CCDC91: variants seen among roughly 807,000 people sequenced by gnomAD.
The protein encoded by CCDC91 is coiled-coil domain containing 91, also known as coiled-coil domain-containing protein 91.
In CCDC91, 48 loss-of-function variants were observed where a neutral mutation model predicts 63.2. The ratio of observed to expected loss-of-function variants is 0.76; its 90% confidence interval spans 0.60 to 0.97. The LOEUF (loss-of-function observed/expected upper bound fraction) is 0.97, where lower values mean the gene tolerates loss of function less well. CCDC91 is among the 50% of genes least tolerant of loss of function. The pLI is 0.00. For missense variants in CCDC91, 500 were observed against 494.6 expected (o/e 1.01, Z -0.10); for synonymous variants, 167 against 165.8 (o/e 1.01, Z -0.06).
intron 11 of CCDC91, among the ~76,000 whole-genome samples, chr12:28,455,741 G>A (rs1950028520): frequency 6.6e-6 from 1 of 151,998 alleles, no homozygotes; most frequent in African/African-American, 2.4e-5. Context: ...AGAACTGGTG[G>A]TGGTGGAGAT....
chr12:28,246,737 A>C (rs1267585377), intron 1 of CCDC91, among the ~76,000 whole-genome samples: 1 of 152,208 alleles, frequency 6.6e-6, no homozygotes, highest in East Asian at 1.9e-4. Context: ...TCCAAGCCAC[A>C]AAGATGGTCA....
At position 28,523,831 on chromosome 12, in the gene CCDC91, T is replaced by C. The variant is rs542672230; in HGVS notation, c.1216-25232T>C. On this transcript the variant is annotated intron_variant, in intron 12 of 12. Transcript: ENST00000536442. ...AAGGATTTTATTTCTCCTTCACTTA[T>C]GAAGCTTAGTTTGGCTGGATATGAA... 1.4e-4 allele frequency among the ~76,000 whole-genome samples: 22 copies of C among 152,222 alleles called. No homozygotes were observed. The South Asian group carries it at 2.5e-3, about 17-fold the overall frequency.
At chr12:28,290,061 C>T (rs753526806) in intron 3 of CCDC91, among the ~76,000 whole-genome samples, 1 of 151,946 alleles carries the variant, frequency 6.6e-6, no homozygotes, top group Non-Finnish European at 1.5e-5. Flanking sequence ...CCCTGAATAT[C>T]TTAGTTATTT....
chr12:28,461,430 A>G (rs1172585184), intron 11 of CCDC91, among the ~76,000 whole-genome samples: 3 of 152,080 alleles, frequency 2.0e-5, no homozygotes, highest in Non-Finnish European at 2.9e-5. Context: ...CCAATTACTA[A>G]TATTTCAAAA....
At chr12:28,326,767 G>GT (rs1267995676) in intron 6 of CCDC91, among the ~76,000 whole-genome samples, 1 of 152,018 alleles carries the variant, frequency 6.6e-6, no homozygotes, top group Admixed American at 6.6e-5. Context: ...GATGATAAAT[G>GT]AAACCGGCTT....
At chr12:28,272,068 T>C (rs918259170) in intron 3 of CCDC91, among the ~76,000 whole-genome samples, 4 of 151,956 alleles carry the variant, frequency 2.6e-5, no homozygotes, top group African/African-American at 7.2e-5. Context: ...CGCCATCTTC[T>C]GATTTCCGTA....
intron 8 of CCDC91, among the ~76,000 whole-genome samples, chr12:28,402,901 G>A (rs1946727127): frequency 6.6e-6 from 1 of 152,070 alleles, no homozygotes; most frequent in Non-Finnish European, 1.5e-5. Context: ...TTATTGATAT[G>A]ATTATGCTAT....
intron 1 of CCDC91, among the ~76,000 whole-genome samples, chr12:28,207,114 C>T (rs910096217): frequency 2.0e-5 from 3 of 152,182 alleles, no homozygotes; most frequent in Non-Finnish European, 2.9e-5. Flanking sequence ...TACAACAGAC[C>T]TTTTTTCCAC....
At chr12:28,544,818 A>C (rs1203534340) in intron 12 of CCDC91, among the ~76,000 whole-genome samples, 1 of 152,046 alleles carries the variant, frequency 6.6e-6, no homozygotes, top group African/African-American at 2.4e-5. Flanking sequence ...TAAGGTCAAG[A>C]GATGTTTTAT....
At position 28,338,678 on chromosome 12, in the gene CCDC91, C is replaced by T. The variant is rs369959489; in HGVS notation, c.577-23760C>T. ...TGTCATGAATTAAAAAAAAAAATCA[C>T]TCTGACCTCTGTGGGGAAAATACAC... On this transcript the variant is annotated intron_variant, in intron 6 of 12. Transcript: ENST00000536442. 3.2e-4 allele frequency among the ~76,000 whole-genome samples: 48 copies of T among 151,950 alleles called. No homozygotes were observed. The East Asian group carries it at 7.4e-3, about 23-fold the overall frequency.
chr12:28,261,693 G>A (rs1946831545), intron 3 of CCDC91, among the ~76,000 whole-genome samples: 1 of 151,832 alleles, frequency 6.6e-6, no homozygotes, highest in African/African-American at 2.4e-5. Context: ...CTAAAAAATT[G>A]TATATTATGA....
At chr12:28,371,255 G>T (rs955213001) in intron 7 of CCDC91, among the ~76,000 whole-genome samples, 4 of 152,078 alleles carry the variant, frequency 2.6e-5, no homozygotes, top group African/African-American at 9.7e-5. Context: ...AAGCATTACT[G>T]CCTGAGTTCC....
intron 1 of CCDC91, among the ~76,000 whole-genome samples, chr12:28,219,108 CTT>C (rs1459287051): frequency 1.1e-4 from 16 of 152,154 alleles, no homozygotes; most frequent in African/African-American, 3.9e-4. Context: ...CTCACCAACA[CTT>C]GATATTGTGA....
In CCDC91 at chr12:28,391,474, T is replaced by G. The variant is rs144997332; in HGVS notation, c.762+63T>G. ...TCCCCTGACTCTCTCCCCTGAGAGC[T>G]CTATAACTGTTTATTCAGTTCTGTT... On this transcript the variant is annotated intron_variant, in intron 8 of 12. Transcript: ENST00000536442. The G allele has an allele frequency of 2.6e-4, 249 of 962,480 alleles. No individual in the cohort carries two copies. The African/African-American group carries it at 3.6e-3, about 14-fold the overall frequency. 59.6% of individuals were successfully genotyped at this position (962,480 alleles called of 1,614,324 possible).
At chr12:28,429,647 G>A (rs1355470) in intron 8 of CCDC91, among the ~76,000 whole-genome samples, 8,334 of 152,062 alleles carry the variant, frequency 0.055, 604 homozygotes, top group East Asian at 0.27. Flanking sequence ...CTTTTGACTA[G>A]CAGAGAAAGT....
At chr12:28,355,279 A>G (rs1479842681) in intron 6 of CCDC91, among the ~76,000 whole-genome samples, 2 of 152,134 alleles carry the variant, frequency 1.3e-5, no homozygotes, top group Non-Finnish European at 2.9e-5. Context: ...AGCACTTGAT[A>G]AGGTGACATT....
At chr12:28,325,835 T>G (rs1940941333) in intron 6 of CCDC91, among the ~76,000 whole-genome samples, 1 of 152,070 alleles carries the variant, frequency 6.6e-6, no homozygotes, top group African/African-American at 2.4e-5. Flanking sequence ...TTTTGAAACT[T>G]CTATTTAGGA....
At chr12:28,399,097 A>G (rs1452500784) in intron 8 of CCDC91, among the ~76,000 whole-genome samples, 5 of 152,198 alleles carry the variant, frequency 3.3e-5, no homozygotes, top group African/African-American at 1.2e-4. Context: ...ACAGTTCTGC[A>G]TGGCTGGGGA....
At chr12:28,201,147 C>T (rs1942253462) in intron 1 of CCDC91, among the ~76,000 whole-genome samples, 1 of 150,566 alleles carries the variant, frequency 6.6e-6, no homozygotes, top group African/African-American at 2.4e-5. Flanking sequence ...CACCTCCCTC[C>T]CGGACGAGGT....
Sources: gnomAD v4.1 joint callset for allele counts (sites outside exome capture counted in the v4.1 genomes callset) on GRCh38, gnomAD v4.1.1 for gene constraint, MANE v1.5 for transcripts, NCBI Gene and HGNC (gene_info 2026-07-23, HGNC 2026-07-21) for gene names.